AGAP6: variants seen among roughly 807,000 people sequenced by gnomAD.
AGAP6 encodes the protein ArfGAP with GTPase domain, ankyrin repeat and PH domain 6, also known as arf-GAP with GTPase, ANK repeat and PH domain-containing protein 6.
In AGAP6, 29 loss-of-function variants were observed where a neutral mutation model predicts 63.9. The observed-to-expected ratio is 0.45, with a 90% CI of 0.34 to 0.62. The LOEUF (loss-of-function observed/expected upper bound fraction) is 0.62, where lower values mean the gene tolerates loss of function less well. Among genes scored for constraint, AGAP6 ranks in the 20% least tolerant of loss-of-function variants. AGAP6 has a pLI of 0.01. For missense variants in AGAP6, 493 were observed against 884.9 expected (o/e 0.56, Z 5.62); for synonymous variants, 199 against 332.9 (o/e 0.60, Z 4.38).
At position 50,008,059 on chromosome 10, in the gene AGAP6, C is replaced by A. The variant is rs782596949; in HGVS notation, c.568C>A (p.Gln190Lys). 6.2e-7 allele frequency: 1 copy of A among 1,611,928 alleles called. No individual in the cohort carries two copies. The highest frequency in any genetic ancestry group is 2.2e-5 in the East Asian group (1 of 44,860). ...ADRTLSIPDE[Q>K]LHSFAVSTVH... The stretch of plus-strand genomic sequence containing the variant: ...TAGAACTTTGAGCATACCTGATGAA[C>A]AGTTACACTCATTTGCGGTAAGTGG... The change falls in exon 7 of 8, where the codon CAG becomes AAG. Residue 190 changes from glutamine (Q) to lysine (K), a missense_variant. By Grantham distance (53) the Gln-to-Lys change is moderately conservative. This residue lies in a region of AGAP6 where 342 missense variants were observed against 533.4 expected (regional missense o/e 0.64). Transcript: ENST00000412531.
chr10:49,989,318 T>C lies in AGAP6; in HGVS notation c.234T>C (p.Phe78=). ...CCTCTATACATATAGCTTTGGAGTT[T>C]AACCTTTCTGCCAATCCAGAGTCAA... The part of the protein sequence containing the change: ...RDREMPEALE[F]NLSANPESST... Residue 78 remains phenylalanine (F), a synonymous_variant, in exon 2 of 8, where the codon TTT becomes TTC. Coordinates refer to ENST00000412531, the MANE Select transcript of AGAP6 (RefSeq NM_001077665.3). 6.3e-7 allele frequency: 1 copy of C among 1,597,512 alleles called. No individual in the cohort carries two copies. The highest frequency in any genetic ancestry group is 8.5e-7 in the Non-Finnish European group (1 of 1,179,756).
chr10:50,002,652 T>C (rs1224148732), intron 5 of AGAP6, among the ~76,000 whole-genome samples: 240 of 19,328 alleles, frequency 0.012, no homozygotes, highest in African/African-American at 0.041. Flanking sequence ...ATTCTCATCT[T>C]CTTGGGTTAT....
intron 4 of AGAP6, among the ~76,000 whole-genome samples, chr10:50,001,203 G>A (rs1208476222): frequency 1.8e-4 from 26 of 147,764 alleles, no homozygotes; most frequent in African/African-American, 5.0e-4. Flanking sequence ...GGTGGTGGGC[G>A]CCTGTAGTCC....
At chr10:50,007,841 G>A (rs782775258) in intron 6 of AGAP6, among the ~76,000 whole-genome samples, 184 bp from the exon 7 acceptor site, 1 of 152,124 alleles carries the variant, frequency 6.6e-6, no homozygotes, top group Non-Finnish European at 1.5e-5. Context: ...CACGATACAG[G>A]CCATGATGTG....
Position 50,009,570 on chromosome 10 carries a change from G to C in AGAP6, c.1445G>C (p.Cys482Ser). 6.2e-7 allele frequency: 1 copy of C among 1,614,032 alleles called. No individual in the cohort carries two copies. Among genetic ancestry groups the C allele is most frequent in the Non-Finnish European group, 8.5e-7 (1 of 1,180,002 alleles). The change falls in exon 8 of 8, where the codon TGT becomes TCT. Residue 482 changes from cysteine to serine, a missense_variant. Cys to Ser is a moderately radical substitution (Grantham distance 112). Coordinates refer to ENST00000412531, the MANE Select transcript of AGAP6 (RefSeq NM_001077665.3). Reference protein sequence around the residue: ...NMRGNAHCVDCETQNPKWASL... With the variant: ...NMRGNAHCVDSETQNPKWASL... ...CGTGGGAACGCCCACTGTGTGGACT[G>C]TGAGACCCAGAATCCTAAGTGGGCC...
intron 4 of AGAP6, among the ~76,000 whole-genome samples, chr10:49,997,088 T>TA (rs1554862068): frequency 4.1e-5 from 6 of 148,000 alleles, no homozygotes. Flanking sequence ...AATTTGAGTA[T>TA]AATTAATGAT....
intron 6 of AGAP6, among the ~76,000 whole-genome samples, chr10:50,006,663 G>T (rs558800109): frequency 6.6e-6 from 1 of 152,064 alleles, no homozygotes; most frequent in Non-Finnish European, 1.5e-5. Context: ...TTTTACAGGC[G>T]TGAGCCACTG....
At chr10:50,008,635 T>A in intron 7 of AGAP6, 76 bp from the exon 8 acceptor site, 1 of 1,569,542 alleles carries the variant, frequency 6.4e-7, no homozygotes, top group African/African-American at 1.4e-5. Flanking sequence ...TTTTAAAAGG[T>A]AATTGTGAGC....
In AGAP6 at chr10:49,994,388, T is replaced by C. The variant is rs1169231226; in HGVS notation, c.362-7T>C. 1 of 1,533,654 alleles carries C rather than the reference T, an allele frequency of 6.5e-7. No individual in the cohort carries two copies. On this transcript the variant is annotated splice_polypyrimidine_tract_variant and splice_region_variant and intron_variant, in intron 3 of 7. Transcript: ENST00000412531. ...AGAAGTGACCAGTTTTTTTTTTTTA[T>C]TCTTAGTTGTAGAAATAAGAAGAAG...
intron 6 of AGAP6, 110 bp from the exon 7 acceptor site, chr10:50,007,915 C>A: frequency 1.3e-6 from 2 of 1,591,538 alleles, no homozygotes; most frequent in Non-Finnish European, 1.7e-6. Flanking sequence ...TTCATAAAAA[C>A]TGCTTTGGTA....
At chr10:50,006,547 T>C (rs1300916276) in intron 6 of AGAP6, among the ~76,000 whole-genome samples, 1 of 152,194 alleles carries the variant, frequency 6.6e-6, no homozygotes, top group African/African-American at 2.4e-5. Flanking sequence ...GCTAATTTTC[T>C]TATATGTTTG....
intron 2 of AGAP6, among the ~76,000 whole-genome samples, chr10:49,990,982 A>G (rs1841250781): frequency 6.6e-6 from 1 of 151,998 alleles, no homozygotes; most frequent in African/African-American, 2.4e-5. Context: ...GATGTTACAC[A>G]CCAGTTAGTA....
At chr10:49,989,979 A>G (rs1268142232) in intron 2 of AGAP6, among the ~76,000 whole-genome samples, 1 of 152,230 alleles carries the variant, frequency 6.6e-6, no homozygotes, top group East Asian at 1.9e-4. Flanking sequence ...GGATTGGTTC[A>G]TGGTCAAAAC....
At position 50,005,601 on chromosome 10, in the gene AGAP6, ACT is replaced by A. The variant is rs1416039440; in HGVS notation, c.533+884_533+885del. On this transcript the variant is annotated intron_variant, in intron 6 of 7. Transcript: ENST00000412531. ...ACTGCAGCCTGGGTGACAGAGCAAGACTCTGTCTAAACAAACAAACAAAAAAA... is the reference window on the plus strand; with the variant it reads ...ACTGCAGCCTGGGTGACAGAGCAAGACTGTCTAAACAAACAAACAAAAAAA... 7.9e-5 allele frequency among the ~76,000 whole-genome samples: 12 copies of A among 151,916 alleles called. 1 individual carries two copies. Among genetic ancestry groups the A allele is most frequent in the Admixed American group, 7.2e-4 (11 of 15,250 alleles).
chr10:49,989,441 C>G (rs1338629570), intron 2 of AGAP6, 65 bp downstream of exon 2: 2 of 1,592,328 alleles, frequency 1.3e-6, no homozygotes, highest in Non-Finnish European at 1.7e-6. Context: ...CTTCTTTGAG[C>G]TATTCTCTTC....
In AGAP6 at chr10:50,008,788, T is replaced by C; in HGVS notation, c.663T>C (p.Thr221=). The change falls in exon 8 of 8, where the codon ACT becomes ACC. Residue 221 remains threonine, a synonymous_variant. Transcript: ENST00000412531. ...LNNYSSSIPS[T]PSTSQEDPQF... ...ACTATTCCTCCTCCATTCCATCGAC[T>C]CCCAGCACCAGCCAGGAGGACCCTC... The C allele has an allele frequency of 6.2e-7, 1 of 1,614,080 alleles. No homozygotes were observed. The highest frequency in any genetic ancestry group is 2.2e-5 in the East Asian group (1 of 44,872).
chr10:50,005,425 C>G (rs1203964469), intron 6 of AGAP6, among the ~76,000 whole-genome samples: 37 of 152,198 alleles, frequency 2.4e-4, no homozygotes, highest in African/African-American at 6.5e-4. Flanking sequence ...TCCTGGCTAA[C>G]ACGGCAAAAC....
At chr10:49,998,521 C>CT (rs1332638877) in intron 4 of AGAP6, among the ~76,000 whole-genome samples, 1 of 102,912 alleles carries the variant, frequency 9.7e-6, no homozygotes, top group African/African-American at 3.8e-5. Flanking sequence ...AATCAGTTGG[C>CT]TATAGGTATT....
At chr10:50,004,903 CAA>C (rs1173130649) in intron 6 of AGAP6, among the ~76,000 whole-genome samples, 183 bp downstream of exon 6, 2 of 152,176 alleles carry the variant, frequency 1.3e-5, no homozygotes, top group East Asian at 1.9e-4. Flanking sequence ...CTGAGAATCT[CAA>C]AGAGTATGTG....
Sources: gnomAD v4.1 joint callset for allele counts (sites outside exome capture counted in the v4.1 genomes callset) on GRCh38, gnomAD v4.1.1 for gene constraint, gnomAD v4.1.1 regional missense constraint, MANE v1.5 for transcripts, NCBI Gene and HGNC (gene_info 2026-07-23, HGNC 2026-07-21) for gene names.